Variants in SATB2 observed in about 807,000 individuals in gnomAD.
SATB2 encodes DNA-binding protein SATB2.
In SATB2, 1 loss-of-function variant was observed where a neutral mutation model predicts 73.4. That is an observed-to-expected ratio of 0.01 (90% CI 0.00 to 0.06). SATB2 has a LOEUF of 0.06. Ranked by LOEUF, SATB2 falls within the 10% of genes least tolerant of loss-of-function variation. The pLI is 1.00. For missense variants in SATB2, 459 were observed against 945.8 expected (o/e 0.49, Z 6.75); for synonymous variants, 397 against 367.0 (o/e 1.08, Z -0.93).
chr2:199,349,201 T>A (rs1204745175), intron 6 of SATB2, 28 bp from the exon 7 acceptor site: 1 of 1,469,564 alleles, frequency 6.8e-7, no homozygotes, highest in Non-Finnish European at 9.4e-7. Flanking sequence ...TGATAATTAA[T>A]CATTATTTTC....
intron 2 of SATB2, among the ~76,000 whole-genome samples, chr2:199,441,821 C>T (rs1236476091): frequency 1.3e-5 from 2 of 152,168 alleles, no homozygotes; most frequent in East Asian, 1.9e-4. Flanking sequence ...AAACATCCTT[C>T]GGTTATAGAA....
chr2:199,321,146 T>C (rs1336906745), intron 9 of SATB2, among the ~76,000 whole-genome samples: 1 of 152,004 alleles, frequency 6.6e-6, no homozygotes, highest in Non-Finnish European at 1.5e-5. Flanking sequence ...CACAATACAA[T>C]GGAGTGGGTG....
intron 3 of SATB2, among the ~76,000 whole-genome samples, chr2:199,425,176 T>C (rs1454068350): frequency 1.3e-5 from 2 of 152,234 alleles, no homozygotes; most frequent in East Asian, 1.9e-4. Context: ...CTAGAAGTTA[T>C]ATATTTTAAT....
chr2:199,422,121 G>T (rs1574613919), intron 3 of SATB2, among the ~76,000 whole-genome samples: 1 of 152,122 alleles, frequency 6.6e-6, no homozygotes, highest in South Asian at 2.1e-4. Flanking sequence ...GACTATGGAA[G>T]TTATACATTA....
At chr2:199,342,963 G>A (rs1688548293) in intron 7 of SATB2, among the ~76,000 whole-genome samples, 1 of 152,034 alleles carries the variant, frequency 6.6e-6, no homozygotes, top group South Asian at 2.1e-4. Flanking sequence ...GTAATTAATA[G>A]TTTCTCTTTG....
chr2:199,429,332 GA>G (rs1259363768), intron 3 of SATB2, among the ~76,000 whole-genome samples: 1 of 152,152 alleles, frequency 6.6e-6, no homozygotes, highest in Non-Finnish European at 1.5e-5. Flanking sequence ...CTACTCTGCT[GA>G]TTATTCTAAT....
At chr2:199,294,895 T>TA (rs1286697074) in intron 10 of SATB2, among the ~76,000 whole-genome samples, 1 of 152,156 alleles carries the variant, frequency 6.6e-6, no homozygotes, top group African/African-American at 2.4e-5. Context: ...TTACTTTTTT[T>TA]AAAAAAATTG....
chr2:199,372,719 T>C (rs985987581), intron 5 of SATB2, among the ~76,000 whole-genome samples: 1 of 152,094 alleles, frequency 6.6e-6, no homozygotes, highest in Non-Finnish European at 1.5e-5. Flanking sequence ...GCTCAACAGC[T>C]GATGCTGCAA....
intron 9 of SATB2, among the ~76,000 whole-genome samples, chr2:199,313,624 T>A (rs1687652853): frequency 6.6e-6 from 1 of 152,184 alleles, no homozygotes; most frequent in African/African-American, 2.4e-5. Context: ...ACAATCCAAG[T>A]GTTCCTGAAA....
intron 10 of SATB2, among the ~76,000 whole-genome samples, chr2:199,278,566 G>T (rs1692388335): frequency 6.6e-6 from 1 of 152,172 alleles, no homozygotes; most frequent in African/African-American, 2.4e-5. Context: ...CACCATCAGG[G>T]TAATGGAAAG....
chr2:199,321,009 CAGG>C lies in SATB2; in HGVS notation c.1542+2791_1542+2793del, dbSNP rs544242894. ...TTAATTGTTTCCCTAATTTCACCTT[CAGG>C]AGAAGGGAAAGCCCTTGCATTTGGC... On this transcript the variant is annotated intron_variant, in intron 9 of 10. Coordinates refer to ENST00000417098, the MANE Select transcript of SATB2 (RefSeq NM_001172509.2). Among the ~76,000 whole-genome samples the C allele has an allele frequency of 1.3e-4, 20 of 152,220 alleles. 1 individual carries two copies. In the East Asian group the frequency reaches 3.9e-3, roughly 29 times the overall value.
upstream of SATB2, among the ~76,000 whole-genome samples, chr2:199,461,349 AAT>A (rs1692472302): frequency 6.6e-6 from 1 of 152,222 alleles, no homozygotes; most frequent in Non-Finnish European, 1.5e-5. Context: ...GATATATTTT[AAT>A]AGTTTTACCT....
chr2:199,377,399 CA>C (rs772702291), intron 5 of SATB2, among the ~76,000 whole-genome samples: 2 of 151,892 alleles, frequency 1.3e-5, no homozygotes, highest in Non-Finnish European at 2.9e-5. Context: ...AACAAACAAA[CA>C]AAAAACAACA....
At chr2:199,426,692 C>CA (rs200293007) in intron 3 of SATB2, among the ~76,000 whole-genome samples, 2,064 of 128,078 alleles carry the variant, frequency 0.016, 45 homozygotes, top group African/African-American at 0.057. Context: ...CATTCTCTCT[C>CA]AAAAAAAAAA....
intron 5 of SATB2, among the ~76,000 whole-genome samples, chr2:199,373,766 T>G (rs1247412832): frequency 6.6e-6 from 1 of 152,232 alleles, no homozygotes; most frequent in Admixed American, 6.5e-5. Context: ...CTGTCATTTG[T>G]GAGCCTTCTT....
At chr2:199,421,648 T>C (rs1052852678) in intron 3 of SATB2, among the ~76,000 whole-genome samples, 2 of 152,170 alleles carry the variant, frequency 1.3e-5, no homozygotes, top group African/African-American at 2.4e-5. Flanking sequence ...CGTGTATGTT[T>C]TGTAAAGAGG....
intron 3 of SATB2, among the ~76,000 whole-genome samples, chr2:199,391,969 G>GT (rs970692989): frequency 3.3e-5 from 5 of 152,184 alleles, no homozygotes; most frequent in African/African-American, 1.2e-4. Context: ...CAAATGGGTT[G>GT]TTTTTCTCTC....
chr2:199,354,992 C>T (rs996900944), intron 6 of SATB2, among the ~76,000 whole-genome samples: 2 of 152,036 alleles, frequency 1.3e-5, no homozygotes, highest in African/African-American at 4.8e-5. Context: ...ATATTCCTCC[C>T]TCAGGAATTT....
At chr2:199,282,034 G>A (rs767790702) in intron 10 of SATB2, among the ~76,000 whole-genome samples, 10 of 151,806 alleles carry the variant, frequency 6.6e-5, no homozygotes, top group South Asian at 2.1e-4. Flanking sequence ...GGTGCCCACC[G>A]CCACACCCAG....
Sources: allele counts gnomAD v4.1 joint callset (sites outside exome capture counted in the v4.1 genomes callset), GRCh38; gene constraint gnomAD v4.1.1; transcripts MANE v1.5; gene names NCBI Gene and HGNC (gene_info 2026-07-23, HGNC 2026-07-21).